Variants in PSD3 observed in about 807,000 individuals in gnomAD.
PSD3 encodes the protein PH and SEC7 domain-containing protein 3.
Under a neutral mutation model 105.5 loss-of-function variants are expected in PSD3, and 49 were observed. The ratio of observed to expected loss-of-function variants is 0.46; its 90% CI spans 0.37 to 0.59. The LOEUF is 0.59. Ranked by LOEUF, PSD3 falls within the 20% of genes least tolerant of loss-of-function variation. PSD3 has a pLI of 0.00. For missense variants in PSD3, 1,561 were observed against 1,263.8 expected (o/e 1.24, Z -3.57); for synonymous variants, 557 against 457.8 (o/e 1.22, Z -2.77).
Position 18,871,746 on chromosome 8 carries a change from C to T in PSD3, c.1118G>A (p.Gly373Asp), listed in dbSNP as rs566748171. 8 of 1,614,174 alleles carry T rather than the reference C, an allele frequency of 5.0e-6. No individual in the cohort carries two copies. In the South Asian group the frequency reaches 7.7e-5, roughly 16 times the overall value. The change falls in exon 3 of 16, where the codon GGC (glycine) becomes GAC (aspartate). Residue 373 changes from glycine to aspartate, a missense_variant. Coordinates refer to ENST00000327040, the MANE Select transcript of PSD3 (RefSeq NM_015310.4). ...ESWKAPSERPGTSSGTFSPVR... is the reference protein window; with the variant it reads ...ESWKAPSERPDTSSGTFSPVR... ...AGGGGAAAATGTCCCCGAGCTAGTG[C>T]CAGGCCTCTCTGAAGGAGCTTTCCA...
chr8:18,913,443 T>C (rs1820378593), intron 2 of PSD3, among the ~76,000 whole-genome samples: 1 of 152,092 alleles, frequency 6.6e-6, no homozygotes, highest in Non-Finnish European at 1.5e-5. Context: ...TAAGCCCCAA[T>C]GGCCAAAGGC....
chr8:18,973,833 C>A (rs997117375), intron 1 of PSD3, among the ~76,000 whole-genome samples: 1 of 152,176 alleles, frequency 6.6e-6, no homozygotes, highest in Non-Finnish European at 1.5e-5. Context: ...ATATGAGTTA[C>A]TAAGGACTTA....
chr8:18,667,666 C>T (rs1002251995), intron 9 of PSD3, among the ~76,000 whole-genome samples: 2 of 152,256 alleles, frequency 1.3e-5, no homozygotes, highest in Admixed American at 6.5e-5. Context: ...CCGCCAGTCC[C>T]GCCGTGTGCC....
chr8:18,658,665 C>G lies in PSD3; in HGVS notation c.2173-2980G>C, dbSNP rs1182513361. Among the ~76,000 whole-genome samples, 5 of 151,814 alleles carry G rather than the reference C, an allele frequency of 3.3e-5. No individual in the cohort carries two copies. In the South Asian group the frequency reaches 8.3e-4, roughly 25 times the overall value. On this transcript the variant is annotated intron_variant, in intron 9 of 15. Transcript: ENST00000327040. ...AGCCTTCTAAGTAGCTGTGGTTACACCTATATAACTCTTGATCAATCCTAC... is the reference window on the plus strand; with the variant it reads ...AGCCTTCTAAGTAGCTGTGGTTACAGCTATATAACTCTTGATCAATCCTAC...
intron 4 of PSD3, among the ~76,000 whole-genome samples, chr8:18,820,429 A>G (rs1012716624): frequency 2.0e-5 from 3 of 152,172 alleles, no homozygotes; most frequent in Admixed American, 1.3e-4. Flanking sequence ...ACTCCCCTAC[A>G]AAATACCAAA....
intron 9 of PSD3, among the ~76,000 whole-genome samples, chr8:18,699,773 G>A (rs1339127035): frequency 6.6e-6 from 1 of 151,930 alleles, no homozygotes; most frequent in East Asian, 1.9e-4. Context: ...CTGGGAGAAT[G>A]AGCAGTTTTA....
At chr8:18,723,855 T>C (rs987550230) in intron 9 of PSD3, among the ~76,000 whole-genome samples, 18 of 152,328 alleles carry the variant, frequency 1.2e-4, no homozygotes, top group African/African-American at 4.3e-4. Context: ...CACTGAAAAA[T>C]CATTTATTGA....
intron 1 of PSD3, chr8:18,989,256 G>A (rs147168347): frequency 2.0e-5 from 3 of 152,210 alleles, no homozygotes; most frequent in African/African-American, 7.2e-5. Context: ...TTTTTGAAGT[G>A]GTTTCATTTG....
intron 1 of PSD3, chr8:18,999,921 T>C (rs1449757145): frequency 6.6e-6 from 1 of 151,592 alleles, no homozygotes; most frequent in Non-Finnish European, 1.5e-5. Context: ...TTAATTCCTC[T>C]AGGCCTGTCA....
intron 2 of PSD3, among the ~76,000 whole-genome samples, chr8:18,914,363 G>C (rs1820446804): frequency 6.6e-6 from 1 of 152,010 alleles, no homozygotes; most frequent in Non-Finnish European, 1.5e-5. Context: ...AGAACTCCTA[G>C]CCACAGTAAT....
At chr8:18,781,716 G>C (rs766172780) in intron 8 of PSD3, among the ~76,000 whole-genome samples, 1 of 152,078 alleles carries the variant, frequency 6.6e-6, no homozygotes. Flanking sequence ...GAAGATCTTC[G>C]AGCTTCCTAT....
intron 12 of PSD3, among the ~76,000 whole-genome samples, chr8:18,591,754 C>G (rs1291763588): frequency 2.0e-5 from 3 of 152,144 alleles, no homozygotes; most frequent in South Asian, 2.1e-4. Context: ...ATCTGACTCT[C>G]CTGATTCAGG....
At chr8:19,067,827 G>T (rs966912227) in intron 1 of PSD3, among the ~76,000 whole-genome samples, 1 of 152,172 alleles carries the variant, frequency 6.6e-6, no homozygotes, top group Non-Finnish European at 1.5e-5. Context: ...CCAGCCCTCT[G>T]GACCTTTTTC....
intron 1 of PSD3, among the ~76,000 whole-genome samples, chr8:18,975,823 A>T (rs1400098638): frequency 6.6e-6 from 1 of 151,266 alleles, no homozygotes; most frequent in Non-Finnish European, 1.5e-5. Flanking sequence ...GCTAACTCAT[A>T]AAAAAAAATA....
At chr8:18,672,396 C>T (rs1280227024) in intron 9 of PSD3, among the ~76,000 whole-genome samples, 1 of 152,028 alleles carries the variant, frequency 6.6e-6, no homozygotes, top group African/African-American at 2.4e-5. Context: ...AATGCCAGGC[C>T]TGGCATTTGT....
chr8:18,821,684 A>AAC (rs10527060), intron 4 of PSD3, among the ~76,000 whole-genome samples: 4,742 of 131,352 alleles, frequency 0.036, 86 homozygotes, highest in Non-Finnish European at 0.046. Context: ...TGACCCCCAC[A>AAC]ACACACACAC....
At chr8:18,624,724 ATTTC>A (rs1023722866) in intron 11 of PSD3, among the ~76,000 whole-genome samples, 29 of 151,178 alleles carry the variant, frequency 1.9e-4, no homozygotes, top group African/African-American at 7.1e-4. Context: ...GAAAAAAAAA[ATTTC>A]TTTATAAATA....
At chr8:18,827,941 A>G (rs907865593) in intron 4 of PSD3, among the ~76,000 whole-genome samples, 11 of 149,424 alleles carry the variant, frequency 7.4e-5, no homozygotes, top group South Asian at 2.1e-4. Context: ...AAAAAAAAAA[A>G]GAAGCAAAAG....
At chr8:18,656,065 C>A (rs954753617) in intron 9 of PSD3, among the ~76,000 whole-genome samples, 7 of 151,890 alleles carry the variant, frequency 4.6e-5, no homozygotes, top group Non-Finnish European at 1.0e-4. Context: ...TTTTTCTTTT[C>A]TTCTTTTTTT....
Sources: allele counts gnomAD v4.1 joint callset (sites outside exome capture counted in the v4.1 genomes callset), GRCh38; gene constraint gnomAD v4.1.1; transcripts MANE v1.5; gene names NCBI Gene and HGNC (gene_info 2026-07-23, HGNC 2026-07-21).